Variants in KCNMA1 observed in about 807,000 individuals in gnomAD.
KCNMA1 encodes the protein Calcium-activated potassium channel subunit alpha-1.
In KCNMA1, 29 loss-of-function variants were observed where a neutral mutation model predicts 140.0. The ratio of observed to expected loss-of-function variants is 0.21; its 90% confidence interval spans 0.15 to 0.28. KCNMA1 has a LOEUF of 0.28. Among genes scored for constraint, KCNMA1 ranks in the 10% least tolerant of loss-of-function variants. The pLI is 1.00. For synonymous variants in KCNMA1, 612 were observed against 611.9 expected (o/e 1.00, Z 0.00); for missense variants, 880 against 1,602.2 (o/e 0.55, Z 7.70).
intron 18 of KCNMA1, among the ~76,000 whole-genome samples, chr10:77,009,867 G>A (rs927719124): frequency 6.6e-6 from 1 of 151,868 alleles, no homozygotes; most frequent in East Asian, 1.9e-4. Context: ...CAACCCTCAG[G>A]CAGTCTCTTC....
chr10:77,133,005 G>A lies in KCNMA1; in HGVS notation c.809-11957C>T, dbSNP rs1211207910. Among the ~76,000 whole-genome samples, 6 of 152,016 alleles carry A rather than the reference G, an allele frequency of 3.9e-5. No individual in the cohort carries two copies. The South Asian group carries it at 6.2e-4, about 16-fold the overall frequency. On this transcript the variant is annotated intron_variant, in intron 5 of 27. Transcript: ENST00000286628. ...GGAAGATGGAGGTGTGAAGGAGAGA[G>A]GGCAATGGGAAAAAGAAAGGTGTGC...
intron 3 of KCNMA1, among the ~76,000 whole-genome samples, chr10:77,195,413 C>T (rs979783151): frequency 7.2e-5 from 11 of 152,040 alleles, no homozygotes; most frequent in Non-Finnish European, 2.9e-5. Context: ...GGATGAGTTA[C>T]CTTTAAAACA....
intron 2 of KCNMA1, among the ~76,000 whole-genome samples, chr10:77,347,521 C>G (rs2092344531): frequency 6.6e-6 from 1 of 152,142 alleles, no homozygotes; most frequent in Non-Finnish European, 1.5e-5. Flanking sequence ...TAGAGAGACG[C>G]TTGGGGATGG....
intron 5 of KCNMA1, among the ~76,000 whole-genome samples, chr10:77,137,169 ACT>A (rs1398793701): frequency 6.6e-6 from 1 of 152,070 alleles, no homozygotes; most frequent in Non-Finnish European, 1.5e-5. Flanking sequence ...GAGAGAAAAG[ACT>A]CTGGAGATTC....
chr10:77,594,229 A>C (rs1398757400), intron 1 of KCNMA1, among the ~76,000 whole-genome samples: 1 of 152,214 alleles, frequency 6.6e-6, no homozygotes, highest in Non-Finnish European at 1.5e-5. Context: ...CTTTCCTACC[A>C]GTAGCAATAC....
intron 2 of KCNMA1, among the ~76,000 whole-genome samples, chr10:77,289,536 T>C (rs1432284928): frequency 2.0e-5 from 3 of 152,100 alleles, no homozygotes; most frequent in Non-Finnish European, 4.4e-5. Flanking sequence ...AAAGAACCAC[T>C]CAAACCCTGC....
intron 1 of KCNMA1, among the ~76,000 whole-genome samples, chr10:77,590,461 G>A (rs1351865284): frequency 5.3e-5 from 8 of 152,226 alleles, no homozygotes; most frequent in Non-Finnish European, 1.2e-4. Context: ...GAGAAATTGA[G>A]CACAGCAGCT....
intron 3 of KCNMA1, among the ~76,000 whole-genome samples, chr10:77,231,576 A>T (rs1247911315): frequency 6.6e-6 from 1 of 152,078 alleles, no homozygotes; most frequent in Non-Finnish European, 1.5e-5. Flanking sequence ...TTCTAGGAGG[A>T]AAATACCTGT....
intron 14 of KCNMA1, among the ~76,000 whole-genome samples, chr10:77,058,286 A>T (rs1356825722): frequency 6.6e-6 from 1 of 152,144 alleles, no homozygotes; most frequent in Non-Finnish European, 1.5e-5. Context: ...TGACGGAACT[A>T]AAGTAGACAA....
At chr10:77,027,544 C>T (rs2093569987) in intron 16 of KCNMA1, among the ~76,000 whole-genome samples, 3 of 152,112 alleles carry the variant, frequency 2.0e-5, no homozygotes, top group South Asian at 2.1e-4. Flanking sequence ...AAGTCCAGGT[C>T]GGCATGATCA....
At chr10:77,183,606 G>A (rs1362865491) in intron 4 of KCNMA1, 74 bp from the exon 5 acceptor site, 3 of 1,051,474 alleles carry the variant, frequency 2.9e-6, no homozygotes, top group Middle Eastern at 2.0e-4. Flanking sequence ...ACACTCTTTT[G>A]TCAAAGGGTA....
chr10:77,488,980 G>A (rs1337879083), intron 1 of KCNMA1, among the ~76,000 whole-genome samples: 1 of 152,190 alleles, frequency 6.6e-6, no homozygotes, highest in Non-Finnish European at 1.5e-5. Flanking sequence ...CCACAGGCCA[G>A]GAGCTAGGAA....
At chr10:77,632,362 C>G (rs183279611) in intron 1 of KCNMA1, among the ~76,000 whole-genome samples, 95 of 152,274 alleles carry the variant, frequency 6.2e-4, no homozygotes, top group Non-Finnish European at 1.8e-4. Flanking sequence ...GAGTTCTGGA[C>G]TTGGGATAAC....
chr10:77,477,097 C>G (rs537516070), intron 1 of KCNMA1, among the ~76,000 whole-genome samples: 1 of 152,172 alleles, frequency 6.6e-6, no homozygotes, highest in East Asian at 1.9e-4. Flanking sequence ...TGCCTCCTGC[C>G]GGTCATTTGT....
chr10:77,306,633 A>C (rs2077808880), intron 2 of KCNMA1, among the ~76,000 whole-genome samples: 1 of 152,224 alleles, frequency 6.6e-6, no homozygotes, highest in Non-Finnish European at 1.5e-5. Flanking sequence ...TGATCAGAAA[A>C]CCATCTTAGA....
intron 2 of KCNMA1, among the ~76,000 whole-genome samples, chr10:77,325,204 T>G (rs543104962): frequency 9.9e-5 from 15 of 152,160 alleles, no homozygotes; most frequent in Non-Finnish European, 1.6e-4. Context: ...TTCACCCTTT[T>G]GCTAAATGTC....
intron 1 of KCNMA1, among the ~76,000 whole-genome samples, chr10:77,428,482 GGAAAGCCTAACTCC>G (rs975742098): frequency 3.3e-5 from 5 of 152,306 alleles, no homozygotes; most frequent in African/African-American, 1.2e-4. Context: ...GAATCCTTAG[GGAAAGCCTAACTCC>G]GAAGCCCAGA....
intron 14 of KCNMA1, among the ~76,000 whole-genome samples, chr10:77,058,817 TC>T (rs1395014724): frequency 6.6e-6 from 1 of 151,648 alleles, no homozygotes; most frequent in East Asian, 1.9e-4. Flanking sequence ...GAGTCTCAAA[TC>T]CAAAATCTAA....
intron 2 of KCNMA1, among the ~76,000 whole-genome samples, chr10:77,274,099 C>T (rs542948158): frequency 3.2e-4 from 48 of 152,284 alleles, no homozygotes; most frequent in African/African-American, 1.1e-3. Flanking sequence ...TCTCTTCCCT[C>T]TTGCCACTGT....
Sources: gnomAD v4.1 joint callset for allele counts (sites outside exome capture counted in the v4.1 genomes callset) on GRCh38, gnomAD v4.1.1 for gene constraint, MANE v1.5 for transcripts, NCBI Gene and HGNC (gene_info 2026-07-23, HGNC 2026-07-21) for gene names.